The following MRPL34 variants were observed in gnomAD, a reference collection of about 807,000 sequenced individuals.
The protein encoded by MRPL34 is mitochondrial ribosomal protein L34.
A neutral mutation model predicts 6.7 loss-of-function variants in MRPL34; 8 were observed. The ratio of observed to expected loss-of-function variants is 1.20; its 90% CI spans 0.70 to 2.16. The LOEUF (loss-of-function observed/expected upper bound fraction) is 2.16, where lower values mean the gene tolerates loss of function less well. MRPL34 is among the 30% of genes most tolerant of loss of function. The pLI is 0.00. For missense variants in MRPL34, 146 were observed against 125.5 expected (o/e 1.16, Z -0.78); for synonymous variants, 59 against 55.1 (o/e 1.07, Z -0.31).
Position 17,306,396 on chromosome 19 carries a change from G to A in MRPL34, c.*17G>A. The stretch of plus-strand genomic sequence containing the variant: ...AGCCATTGAGGATCGCGACGCAGTC[G>A]GCGGGACCCTCATGGAAGCATCGCC... On this transcript the variant is annotated 3_prime_UTR_variant, in exon 2 of 2. Transcript: ENST00000252602. 1 of 1,549,518 alleles carries A rather than the reference G, an allele frequency of 6.5e-7. No homozygotes were observed. The highest frequency in any genetic ancestry group is 8.7e-7 in the Non-Finnish European group (1 of 1,149,600).
chr19:17,301,825 G>C (rs534228266), upstream of MRPL34, among the ~76,000 whole-genome samples: 1 of 148,230 alleles, frequency 6.7e-6, no homozygotes, highest in South Asian at 2.1e-4. Context: ...AGACAGTCTC[G>C]CTTTGTCATC....
chr19:17,304,375 C>T (rs532382836), upstream of MRPL34, among the ~76,000 whole-genome samples: 29 of 152,338 alleles, frequency 1.9e-4, no homozygotes, highest in African/African-American at 5.8e-4. Flanking sequence ...TTAATCCTCT[C>T]ATAAGTTTGC....
intron 1 of MRPL34, chr19:17,294,954 T>A (rs1415149471): frequency 1.1e-5 from 15 of 1,339,650 alleles, no homozygotes; most frequent in African/African-American, 2.9e-5. Flanking sequence ...GAGACAGTTT[T>A]ACTCTGTCCC....
rs375393929 is a variant in MRPL34 at position 17,297,496 on chromosome 19, A to G, written c.214+4642A>G. On this transcript the variant is annotated intron_variant, in intron 1 of 2. Transcript: ENST00000595444. Reference sequence around the variant, plus strand: ...TTTTTATTAGAGACGGGGTTTCACCATTTTGGCCAGGCTGGTCTTGAACTC... The same window carrying G: ...TTTTTATTAGAGACGGGGTTTCACCGTTTTGGCCAGGCTGGTCTTGAACTC... Among the ~76,000 whole-genome samples, 118 of 151,836 alleles carry G rather than the reference A, an allele frequency of 7.8e-4. 3 individuals are homozygous for G. The South Asian group carries it at 0.024, about 31-fold the overall frequency.
upstream of MRPL34, chr19:17,300,855 C>T: frequency 6.3e-7 from 1 of 1,585,900 alleles, no homozygotes; most frequent in Non-Finnish European, 8.6e-7. Context: ...GGTTCACTTA[C>T]CCGTAGGAAT....
Position 17,306,533 on chromosome 19 carries a change from A to G in MRPL34, c.*154A>G, listed in dbSNP as rs2074150004. Reference sequence around the variant, plus strand: ...GTTGAAGTCTGGATGGGAGCTTGCCAAGTCCCTTTTTAGGCTTTTTAATTA... The same window carrying G: ...GTTGAAGTCTGGATGGGAGCTTGCCGAGTCCCTTTTTAGGCTTTTTAATTA... On this transcript the variant is annotated 3_prime_UTR_variant, in exon 2 of 2. Transcript: ENST00000252602. 8 of 677,664 alleles carry G rather than the reference A, an allele frequency of 1.2e-5. No homozygotes were observed. In the Admixed American group the frequency reaches 2.0e-4, roughly 17 times the overall value. The allele number at this position is 677,664 out of a possible 1,614,324, so 42.0% of individuals were successfully genotyped here.
chr19:17,298,982 T>TC (rs1352480052), upstream of MRPL34, among the ~76,000 whole-genome samples: 1 of 152,182 alleles, frequency 6.6e-6, no homozygotes, highest in Non-Finnish European at 1.5e-5. Flanking sequence ...CCTCAAGTGA[T>TC]CTGCCTGCTT....
At chr19:17,299,179 G>A (rs1337422946), upstream of MRPL34, among the ~76,000 whole-genome samples, 2 of 151,976 alleles carry the variant, frequency 1.3e-5, no homozygotes, top group Admixed American at 6.6e-5. Context: ...GGAGGCCAAG[G>A]AGGGAGGATG....
rs1599521937 is a variant in MRPL34, at chr19:17,294,192, C to T, written c.214+1338C>T. ...ACGCCCCCTCGGGAAGAAAGCACGCCCACCAAGCGCTACCACGCCCCCCGC... is the reference window on the plus strand; with the variant it reads ...ACGCCCCCTCGGGAAGAAAGCACGCTCACCAAGCGCTACCACGCCCCCCGC... On this transcript the variant is annotated intron_variant, in intron 1 of 2. Transcript: ENST00000595444. 2.1e-6 allele frequency: 3 copies of T among 1,425,380 alleles called. No individual in the cohort carries two copies. The East Asian group carries it at 7.4e-5, about 35-fold the overall frequency. 88.3% of individuals were successfully genotyped at this position (1,425,380 alleles called of 1,614,324 possible).
chr19:17,299,328 G>A (rs1192360448), upstream of MRPL34, among the ~76,000 whole-genome samples: 1 of 151,120 alleles, frequency 6.6e-6, no homozygotes, highest in African/African-American at 2.4e-5. Context: ...TTGGGAGGCC[G>A]AGGAGGGCGA....
At chr19:17,300,754 AGGCGTGAGCCACGG>A (rs2074113582), upstream of MRPL34, 5 of 1,403,934 alleles carry the variant, frequency 3.6e-6, no homozygotes, top group East Asian at 1.2e-4. Flanking sequence ...CTGGGATTAC[AGGCGTGAGCCACGG>A]GGCTCAGCCA....
chr19:17,300,735 C>G, upstream of MRPL34: 2 of 1,310,282 alleles, frequency 1.5e-6, no homozygotes, highest in Non-Finnish European at 2.1e-6. Flanking sequence ...GCCTCGGCCT[C>G]CCAAAGTGCT....
chr19:17,301,021 A>T (rs1348144597), upstream of MRPL34: 3 of 1,613,374 alleles, frequency 1.9e-6, no homozygotes, highest in African/African-American at 1.3e-5. Flanking sequence ...GCCTAGGCGC[A>T]CAAAGAAGTC....
upstream of MRPL34, chr19:17,301,002 C>A: frequency 6.2e-7 from 1 of 1,613,496 alleles, no homozygotes; most frequent in African/African-American, 1.3e-5. Context: ...CAGGAGCCAC[C>A]ACCTCATAGC....
At chr19:17,298,459 C>T (rs2074102763), upstream of MRPL34, 1 of 152,098 alleles carries the variant, frequency 6.6e-6, no homozygotes, top group Admixed American at 6.6e-5. Flanking sequence ...CTAGAATTTA[C>T]AGGATTCCGA....
At chr19:17,300,603 G>A (rs916187162), upstream of MRPL34, among the ~76,000 whole-genome samples, 5 of 152,020 alleles carry the variant, frequency 3.3e-5, no homozygotes, top group Non-Finnish European at 7.4e-5. Flanking sequence ...TCAGCCTCCC[G>A]AGTAGCTGGG....
upstream of MRPL34, among the ~76,000 whole-genome samples, chr19:17,299,035 C>T (rs929816900): frequency 1.3e-5 from 2 of 152,196 alleles, no homozygotes; most frequent in Non-Finnish European, 2.9e-5. Flanking sequence ...AGCCACTGCA[C>T]CTGGCCTGAG....
At chr19:17,305,677 T>C (rs2074142281), upstream of MRPL34, 1 of 600,364 alleles carries the variant, frequency 1.7e-6, no homozygotes. Context: ...GCCGGCTACC[T>C]GTTGGTGTGT....
upstream of MRPL34, chr19:17,305,829 A>G (rs768049713): frequency 2.7e-6 from 4 of 1,498,516 alleles, no homozygotes; most frequent in Non-Finnish European, 3.7e-6. Flanking sequence ...CCTTTGTTCC[A>G]GGGCTGGAGC....
Sources: gnomAD v4.1 joint callset for allele counts (sites outside exome capture counted in the v4.1 genomes callset) on GRCh38, gnomAD v4.1.1 for gene constraint, MANE v1.5 for transcripts, NCBI Gene and HGNC (gene_info 2026-07-23, HGNC 2026-07-21) for gene names.